Variants in AK5 observed in about 807,000 individuals in gnomAD.
AK5 encodes the protein adenylate kinase 5, also known as adenylate kinase isoenzyme 5.
AK5 carries 27 observed loss-of-function variants against 69.5 expected under a neutral mutation model. The ratio of observed to expected loss-of-function variants is 0.39; its 90% CI spans 0.29 to 0.54. AK5 has a LOEUF of 0.54. Ranked by LOEUF, AK5 falls within the 20% of genes least tolerant of loss-of-function variation. The probability of loss-of-function intolerance (pLI) is 0.71; values close to 1 mark genes in which losing one functional copy is unlikely to be tolerated. For synonymous variants in AK5, 260 were observed against 244.4 expected (o/e 1.06, Z -0.60); for missense variants, 531 against 700.4 (o/e 0.76, Z 2.73).
Position 77,282,195 on chromosome 1 carries a change from G to C in AK5, c.-119G>C. ...GAGAGGCTGAGCTGAGTGCGCGTGA[G>C]AAAGAGGGCTGCACCGCTGCTCGGC... is the stretch of plus-strand genomic sequence containing the variant. On this transcript the variant is annotated 5_prime_UTR_variant, in exon 1 of 14. Transcript: ENST00000354567. The C allele has an allele frequency of 1.1e-6, 1 of 911,186 alleles. No homozygotes were observed. Among genetic ancestry groups the C allele is most frequent in the South Asian group, 2.0e-5 (1 of 49,632 alleles). The allele number at this position is 911,186 out of a possible 1,614,324, so 56.4% of individuals were successfully genotyped here.
intron 6 of AK5, among the ~76,000 whole-genome samples, chr1:77,404,749 T>TA (rs1649504450): frequency 2.0e-5 from 3 of 152,246 alleles, no homozygotes; most frequent in Admixed American, 1.3e-4. Flanking sequence ...CTGAGTTGAC[T>TA]ATATGAATGT....
At chr1:77,324,423 G>A (rs1660691801) in intron 5 of AK5, among the ~76,000 whole-genome samples, 2 of 151,908 alleles carry the variant, frequency 1.3e-5, no homozygotes, top group South Asian at 2.1e-4. Context: ...CCTCATTTAT[G>A]TGTATAAACC....
chr1:77,314,142 T>C (rs1660115715), intron 5 of AK5: 3 of 323,738 alleles, frequency 9.3e-6, no homozygotes, highest in Non-Finnish European at 1.8e-5. Context: ...ATGATATGAA[T>C]TGAAGAGTCG....
chr1:77,293,798 C>G lies in AK5; in HGVS notation c.253C>G (p.Pro85Ala). 1 of 1,599,864 alleles carries G rather than the reference C, an allele frequency of 6.3e-7. No homozygotes were observed. Among genetic ancestry groups the G allele is most frequent in the Non-Finnish European group, 8.5e-7 (1 of 1,175,002 alleles). The change falls in exon 3 of 14, where the codon CCT becomes GCT. Residue 85 changes from proline to alanine, a missense_variant. Pro to Ala is a conservative substitution (Grantham distance 27). Transcript: ENST00000354567. Reference protein sequence around the residue: ...SRRSFLRNVMPENSNFPYRRY... With the variant: ...SRRSFLRNVMAENSNFPYRRY... ...GTTATCTTACTCTTTTGCAGTAATG[C>G]CTGAAAACTCAAACTTTCCATATCG...
chr1:77,380,519 A>G (rs765941660), intron 6 of AK5, among the ~76,000 whole-genome samples: 1 of 152,194 alleles, frequency 6.6e-6, no homozygotes, highest in Non-Finnish European at 1.5e-5. Flanking sequence ...ACAATGTACA[A>G]CACATGTGCT....
chr1:77,420,956 T>C (rs1454205476), intron 8 of AK5, among the ~76,000 whole-genome samples: 3 of 152,198 alleles, frequency 2.0e-5, no homozygotes, highest in African/African-American at 2.4e-5. Flanking sequence ...ATGTAAACAA[T>C]GAATGTGGCT....
intron 6 of AK5, among the ~76,000 whole-genome samples, chr1:77,374,962 C>A (rs542730676): frequency 2.0e-5 from 3 of 152,072 alleles, no homozygotes; most frequent in Non-Finnish European, 2.9e-5. Flanking sequence ...CCTTTTGACA[C>A]GGGCCTATGT....
intron 12 of AK5, among the ~76,000 whole-genome samples, chr1:77,523,381 TG>T (rs1179182084): frequency 6.6e-6 from 1 of 152,148 alleles, no homozygotes; most frequent in Non-Finnish European, 1.5e-5. Flanking sequence ...CAGTTCTTGA[TG>T]GGGGACACTC....
At chr1:77,459,587 G>T (rs561358360) in intron 8 of AK5, among the ~76,000 whole-genome samples, 1 of 152,186 alleles carries the variant, frequency 6.6e-6, no homozygotes, top group African/African-American at 2.4e-5. Context: ...ATAGGTCTGA[G>T]GTAGCCTAAG....
chr1:77,347,966 AT>A (rs1661997048), intron 6 of AK5, among the ~76,000 whole-genome samples: 1 of 152,190 alleles, frequency 6.6e-6, no homozygotes, highest in Non-Finnish European at 1.5e-5. Context: ...ACTGCTGCTG[AT>A]TATATGGCAG....
At chr1:77,447,036 C>A (rs1381261393) in intron 8 of AK5, among the ~76,000 whole-genome samples, 1 of 152,096 alleles carries the variant, frequency 6.6e-6, no homozygotes, top group East Asian at 1.9e-4. Context: ...TGGTCTACTG[C>A]AAAAATAAGA....
At chr1:77,534,873 T>C (rs77159928) in intron 12 of AK5, among the ~76,000 whole-genome samples, 2,460 of 152,246 alleles carry the variant, frequency 0.016, 80 homozygotes, top group African/African-American at 0.057. Context: ...AAAGAACAAT[T>C]TGTTATTATC....
At chr1:77,428,643 T>G (rs1217386316) in intron 8 of AK5, among the ~76,000 whole-genome samples, 2 of 152,178 alleles carry the variant, frequency 1.3e-5, no homozygotes, top group East Asian at 3.8e-4. Flanking sequence ...AGGGTACATG[T>G]GCACAACGTG....
intron 6 of AK5, among the ~76,000 whole-genome samples, chr1:77,399,363 T>C (rs1247275395): frequency 5.9e-5 from 9 of 152,150 alleles, no homozygotes. Context: ...CCCTTTTCTC[T>C]CAACCACAAC....
intron 6 of AK5, among the ~76,000 whole-genome samples, chr1:77,400,452 A>G (rs1056477057): frequency 6.6e-6 from 1 of 152,236 alleles, no homozygotes; most frequent in African/African-American, 2.4e-5. Flanking sequence ...AAAAATGTAT[A>G]AAGAAAACCT....
At chr1:77,452,495 G>T (rs1023984206) in intron 8 of AK5, among the ~76,000 whole-genome samples, 1 of 152,152 alleles carries the variant, frequency 6.6e-6, no homozygotes, top group African/African-American at 2.4e-5. Flanking sequence ...TGTCAGATTG[G>T]ATCCAATTTA....
chr1:77,391,487 GTGTGTGTGTATATATATATATATATA>G (rs150145280), intron 6 of AK5, among the ~76,000 whole-genome samples: 29,921 of 89,418 alleles, frequency 0.33, 3,855 homozygotes, highest in East Asian at 0.44. Flanking sequence ...GTGTGTATGT[GTGTGTGTGTATATATATATATATATA>G]TATATATATA....
chr1:77,401,531 A>G (rs1227572211), intron 6 of AK5, among the ~76,000 whole-genome samples: 1 of 152,134 alleles, frequency 6.6e-6, no homozygotes, highest in Non-Finnish European at 1.5e-5. Flanking sequence ...AGGAGAGGAA[A>G]AAAATGGGAG....
chr1:77,291,248 T>C (rs374774537), intron 2 of AK5, among the ~76,000 whole-genome samples: 3 of 152,208 alleles, frequency 2.0e-5, no homozygotes, highest in Non-Finnish European at 4.4e-5. Context: ...GAAATTGTTT[T>C]TGAACTGTCA....
Sources: allele counts gnomAD v4.1 joint callset (sites outside exome capture counted in the v4.1 genomes callset), GRCh38; gene constraint gnomAD v4.1.1; transcripts MANE v1.5; gene names NCBI Gene and HGNC (gene_info 2026-07-23, HGNC 2026-07-21).